The following MAST4 variants were observed in gnomAD, a reference collection of about 807,000 sequenced individuals.
MAST4 encodes microtubule associated serine/threonine kinase family member 4.
Under a neutral mutation model 162.7 loss-of-function variants are expected in MAST4, and 89 were observed. The ratio of observed to expected loss-of-function variants is 0.55; its 90% confidence interval spans 0.46 to 0.65. MAST4 has a LOEUF of 0.65. Among genes scored for constraint, MAST4 ranks in the 30% least tolerant of loss-of-function variants. The probability of loss-of-function intolerance (pLI) is 0.00; values close to 1 mark genes in which losing one functional copy is unlikely to be tolerated. For synonymous variants in MAST4, 1,479 were observed against 1,361.1 expected, an observed-to-expected ratio of 1.09 and a Z score of -1.91; for missense variants, 3,153 against 3,374.0, an observed-to-expected ratio of 0.93 and a Z score of 1.62.
chr5:66,987,841 G>A (rs1367450007), intron 4 of MAST4, among the ~76,000 whole-genome samples: 2 of 152,096 alleles, frequency 1.3e-5, no homozygotes, highest in Non-Finnish European at 2.9e-5. Context: ...TTTATTATGT[G>A]GATTACACTG....
intron 4 of MAST4, among the ~76,000 whole-genome samples, chr5:67,014,379 A>C (rs571298417): frequency 9.8e-5 from 15 of 152,332 alleles, no homozygotes; most frequent in African/African-American, 2.9e-4. Context: ...CTTAGTGACC[A>C]GTGGAGCTAA....
rs752199140 is a variant in MAST4 at position 67,142,500 on chromosome 5, G to A, written c.2697G>A (p.Arg899=). 3.1e-6 allele frequency: 5 copies of A among 1,592,182 alleles called. No individual in the cohort carries two copies. Among genetic ancestry groups the A allele is most frequent in the Non-Finnish European group, 8.6e-7 (1 of 1,168,500 alleles). The stretch of plus-strand genomic sequence containing the variant: ...ATGAAGACTTTAATGTGGAAATAAG[G>A]CAGTTTTCTTCATGTTCACACAGGT... The part of the protein sequence containing the change: ...TNDEDFNVEI[R]QFSSCSHRFS... Residue 899 remains arginine, a synonymous_variant, in exon 21 of 29, where the codon AGG becomes AGA. Transcript: ENST00000403625.
chr5:66,883,415 T>C (rs1761820819), intron 3 of MAST4, among the ~76,000 whole-genome samples: 2 of 139,152 alleles, frequency 1.4e-5, no homozygotes, highest in African/African-American at 5.3e-5. Context: ...TGTGTTGTTC[T>C]GTCACTGTTT....
chr5:66,886,293 T>C lies in MAST4; in HGVS notation c.643-13658T>C, dbSNP rs1762035635. ...CAAGAGTTTGTTTTACTTTAGCTACTGTTATTTTTTTCTGGTTGATACACA... is the reference window on the plus strand; with the variant it reads ...CAAGAGTTTGTTTTACTTTAGCTACCGTTATTTTTTTCTGGTTGATACACA... On this transcript the variant is annotated intron_variant, in intron 3 of 28. Coordinates refer to ENST00000403625, the MANE Select transcript of MAST4 (RefSeq NM_001164664.2). Among the ~76,000 whole-genome samples, 9 of 152,360 alleles carry C rather than the reference T, an allele frequency of 5.9e-5. No homozygotes were observed. In the South Asian group the frequency reaches 1.9e-3, roughly 32 times the overall value.
At chr5:66,883,882 C>T (rs1189691309) in intron 3 of MAST4, among the ~76,000 whole-genome samples, 1 of 152,170 alleles carries the variant, frequency 6.6e-6, no homozygotes, top group Non-Finnish European at 1.5e-5. Context: ...GGATTTGTTT[C>T]TGTAGCTCTT....
chr5:67,072,818 G>C (rs968315869), intron 5 of MAST4, among the ~76,000 whole-genome samples: 1 of 151,990 alleles, frequency 6.6e-6, no homozygotes, highest in Non-Finnish European at 1.5e-5. Flanking sequence ...CCTCCAAAAG[G>C]GCAGAAAATA....
intron 2 of MAST4, among the ~76,000 whole-genome samples, chr5:66,787,348 TCTATAATAA>T (rs936447168): frequency 6.6e-6 from 1 of 152,200 alleles, no homozygotes; most frequent in African/African-American, 2.4e-5. Context: ...GTGCTTTCAC[TCTATAATAA>T]AAGAGTGAAA....
At chr5:66,668,445 C>T (rs1286609552) in intron 1 of MAST4, among the ~76,000 whole-genome samples, 1 of 152,154 alleles carries the variant, frequency 6.6e-6, no homozygotes, top group Non-Finnish European at 1.5e-5. Context: ...TTTTCTGCCT[C>T]AGTTGGTAAT....
chr5:66,640,953 CA>C (rs1442177244), intron 1 of MAST4, among the ~76,000 whole-genome samples: 1 of 152,236 alleles, frequency 6.6e-6, no homozygotes, highest in East Asian at 1.9e-4. Flanking sequence ...TTTTGATTTA[CA>C]TTTTGCTGAT....
rs1178453545 is a variant in MAST4, at chr5:66,759,812, G to A, written c.467G>A (p.Ser156Asn). The change falls in exon 2 of 29, where the codon AGT becomes AAT. Residue 156 changes from serine (S) to asparagine (N), a missense_variant. Physicochemically the swap from Ser to Asn is conservative, Grantham distance 46 (BLOSUM62 1). Transcript: ENST00000403625. Reference protein sequence around the residue: ...GKSLKYKRQLSEDGRQLRRGS... With the variant: ...GKSLKYKRQLNEDGRQLRRGS... ...TCACTGAAGTATAAAAGACAGCTGA[G>A]TGAGGATGGAAGACAGCTAAGGCGA... 1.9e-6 allele frequency: 3 copies of A among 1,613,850 alleles called. No homozygotes were observed. The highest frequency in any genetic ancestry group is 2.5e-6 in the Non-Finnish European group (3 of 1,179,888).
At chr5:66,776,169 C>G (rs1754592062) in intron 2 of MAST4, among the ~76,000 whole-genome samples, 1 of 152,122 alleles carries the variant, frequency 6.6e-6, no homozygotes, top group African/African-American at 2.4e-5. Context: ...TTTATTTTGT[C>G]ACCTCTATGG....
At chr5:66,928,731 T>C (rs1269250759) in intron 4 of MAST4, among the ~76,000 whole-genome samples, 1 of 152,182 alleles carries the variant, frequency 6.6e-6, no homozygotes, top group African/African-American at 2.4e-5. Context: ...AAATAGGGGT[T>C]GGTCAGGACT....
chr5:66,994,426 G>A (rs929779814), intron 4 of MAST4, among the ~76,000 whole-genome samples: 6 of 151,734 alleles, frequency 4.0e-5, no homozygotes, highest in Admixed American at 1.3e-4. Flanking sequence ...AATTCTGTAC[G>A]TACTTCATTT....
chr5:66,707,752 G>T (rs1042922304), intron 1 of MAST4, among the ~76,000 whole-genome samples: 6 of 152,132 alleles, frequency 3.9e-5, no homozygotes, highest in East Asian at 1.9e-4. Flanking sequence ...ATGGTGGTAG[G>T]GGGGAGCAGA....
intron 4 of MAST4, among the ~76,000 whole-genome samples, chr5:67,013,495 A>G (rs1752927827): frequency 6.6e-6 from 1 of 152,242 alleles, no homozygotes; most frequent in Non-Finnish European, 1.5e-5. Flanking sequence ...TAAAAGCTGT[A>G]AAGAAGTATG....
chr5:66,725,085 A>G (rs896360492), intron 1 of MAST4, among the ~76,000 whole-genome samples: 1 of 150,314 alleles, frequency 6.7e-6, no homozygotes, highest in South Asian at 2.1e-4. Flanking sequence ...TGGTCATATG[A>G]TTTTTCTGTT....
intron 5 of MAST4, among the ~76,000 whole-genome samples, chr5:67,075,053 G>C (rs1485335115): frequency 6.6e-6 from 1 of 151,904 alleles, no homozygotes; most frequent in Non-Finnish European, 1.5e-5. Context: ...TCCTTAGTCA[G>C]CCCCATGGTA....
Position 67,002,746 on chromosome 5 carries a change from AGCTG to A in MAST4, c.675-51656_675-51653del, listed in dbSNP as rs973733965. Among the ~76,000 whole-genome samples the A allele has an allele frequency of 3.0e-4, 46 of 152,178 alleles. 1 individual carries two copies. Among genetic ancestry groups the A allele is most frequent in the Admixed American group, 2.8e-3 (43 of 15,296 alleles). ...GGTCCTATTATGGACCCCATATTGC[AGCTG>A]GGGAAAATGAGAAGAGATTTAAGGT... is the stretch of plus-strand genomic sequence containing the variant. On this transcript the variant is annotated intron_variant, in intron 4 of 28. Transcript: ENST00000403625.
intron 5 of MAST4, among the ~76,000 whole-genome samples, chr5:67,056,281 A>G (rs1317866148): frequency 6.6e-6 from 1 of 152,058 alleles, no homozygotes; most frequent in Non-Finnish European, 1.5e-5. Flanking sequence ...TGTGAGATTG[A>G]TATTACACCC....
Sources: allele counts gnomAD v4.1 joint callset (sites outside exome capture counted in the v4.1 genomes callset), GRCh38; gene constraint gnomAD v4.1.1; transcripts MANE v1.5; gene names NCBI Gene and HGNC (gene_info 2026-07-23, HGNC 2026-07-21).